SCLT1: variants seen among roughly 807,000 people sequenced by gnomAD.
The protein encoded by SCLT1 is sodium channel and clathrin linker 1.
SCLT1 carries 78 observed loss-of-function variants against 112.8 expected under a neutral mutation model. That is an observed-to-expected ratio of 0.69 (90% CI 0.58 to 0.83). SCLT1 has a LOEUF of 0.83. SCLT1 is among the 40% of genes least tolerant of loss of function. The pLI is 0.00. For synonymous variants in SCLT1, 257 were observed against 254.7 expected, an observed-to-expected ratio of 1.01 and a Z score of -0.09; for missense variants, 747 against 770.4, an observed-to-expected ratio of 0.97 and a Z score of 0.36.
At chr4:128,910,268 G>A (rs532888536) in intron 18 of SCLT1, among the ~76,000 whole-genome samples, 145 of 152,286 alleles carry the variant, frequency 9.5e-4, no homozygotes, top group Non-Finnish European at 1.6e-3. Context: ...TGTAGATGCT[G>A]GATGTTAACC....
At chr4:128,978,346 A>C (rs1741362161) in intron 9 of SCLT1, among the ~76,000 whole-genome samples, 1 of 152,150 alleles carries the variant, frequency 6.6e-6, no homozygotes. Flanking sequence ...TCTATGAAGG[A>C]GAAAAACTGA....
chr4:129,029,794 T>C (rs900102568), intron 5 of SCLT1, among the ~76,000 whole-genome samples: 4 of 152,164 alleles, frequency 2.6e-5, no homozygotes, highest in East Asian at 1.9e-4. Context: ...ACCAAATACA[T>C]GAGCAACCAG....
chr4:128,964,902 G>A (rs555527691), intron 11 of SCLT1, among the ~76,000 whole-genome samples: 3 of 152,212 alleles, frequency 2.0e-5, no homozygotes, highest in African/African-American at 7.2e-5. Context: ...ACAAAAGCAT[G>A]ATATCAAGGG....
chr4:129,062,709 C>A (rs1336235909), intron 2 of SCLT1, among the ~76,000 whole-genome samples: 2 of 152,008 alleles, frequency 1.3e-5, no homozygotes, highest in African/African-American at 4.8e-5. Flanking sequence ...TTTCAATATA[C>A]CATCCCACTG....
intron 2 of SCLT1, among the ~76,000 whole-genome samples, chr4:129,075,347 G>A (rs1387250361): frequency 2.0e-5 from 3 of 152,054 alleles, no homozygotes; most frequent in African/African-American, 7.2e-5. Flanking sequence ...ATCATGAGGA[G>A]GTTAATTTTC....
chr4:128,898,835 AG>A (rs1399396412), intron 18 of SCLT1, among the ~76,000 whole-genome samples: 2 of 152,200 alleles, frequency 1.3e-5, no homozygotes, highest in Non-Finnish European at 2.9e-5. Context: ...AAAATGATAA[AG>A]GGGATATCAC....
chr4:129,043,383 A>G lies in SCLT1; in HGVS notation c.234+12T>C, dbSNP rs1435841367. ...AAAATATTACAAAAGCCTCATAACTATGATTTCATACCTGGTAATATTTCA... is the reference window on the plus strand; with the variant it reads ...AAAATATTACAAAAGCCTCATAACTGTGATTTCATACCTGGTAATATTTCA... On this transcript the variant is annotated intron_variant, in intron 4 of 20. Coordinates refer to ENST00000281142, the MANE Select transcript of SCLT1 (RefSeq NM_144643.4). 2 of 1,327,780 alleles carry G rather than the reference A, an allele frequency of 1.5e-6. No homozygotes were observed. Among genetic ancestry groups the G allele is most frequent in the African/African-American group, 2.9e-5 (2 of 68,040 alleles). 82.2% of individuals were successfully genotyped at this position (1,327,780 alleles called of 1,614,324 possible).
At chr4:129,057,987 G>A (rs1271999305) in intron 2 of SCLT1, among the ~76,000 whole-genome samples, 1 of 152,104 alleles carries the variant, frequency 6.6e-6, no homozygotes, top group Non-Finnish European at 1.5e-5. Flanking sequence ...GGCATCAGGT[G>A]ATCCACCCAC....
At position 128,959,867 on chromosome 4, in the gene SCLT1, T is replaced by C. The variant is rs1201077756; in HGVS notation, c.870-90A>G. 51 of 919,144 alleles carry C rather than the reference T, an allele frequency of 5.5e-5. No individual in the cohort carries two copies. The East Asian group carries it at 1.2e-3, about 21-fold the overall frequency. 56.9% of individuals were successfully genotyped at this position (919,144 alleles called of 1,614,324 possible). A position where few individuals can be genotyped will look rare whatever the true frequency, so the allele number is the denominator to read the frequency against. ...AGCATCTACTACAGGACAGGTATTA[T>C]GCCAGTAACTTTCACATGTATTAAT... On this transcript the variant is annotated intron_variant, in intron 11 of 20. Coordinates refer to ENST00000281142, the MANE Select transcript of SCLT1 (RefSeq NM_144643.4).
chr4:129,080,290 A>C (rs1234644432), intron 2 of SCLT1, among the ~76,000 whole-genome samples: 1 of 152,200 alleles, frequency 6.6e-6, no homozygotes, highest in Non-Finnish European at 1.5e-5. Flanking sequence ...TTTCCAAACT[A>C]TTATGCTCTA....
At chr4:129,079,723 C>T (rs538720039) in intron 2 of SCLT1, among the ~76,000 whole-genome samples, 1 of 152,390 alleles carries the variant, frequency 6.6e-6, no homozygotes, top group East Asian at 1.9e-4. Flanking sequence ...CCCCACTAGG[C>T]AGTGTCCAGT....
At chr4:129,003,652 ATT>A in intron 6 of SCLT1, 87 bp downstream of exon 6, 1 of 1,033,896 alleles carries the variant, frequency 9.7e-7, no homozygotes, top group Non-Finnish European at 1.4e-6. Context: ...CAATTTTATT[ATT>A]TTGTTATCCA....
chr4:129,071,429 T>C (rs1750993805), intron 2 of SCLT1, among the ~76,000 whole-genome samples: 1 of 152,296 alleles, frequency 6.6e-6, no homozygotes, highest in South Asian at 2.1e-4. Context: ...GTTAGGTCTA[T>C]TGGTAATTGT....
chr4:129,039,896 GCGCGCACACACA>G, intron 4 of SCLT1: 2 of 206,664 alleles, frequency 9.7e-6, no homozygotes, highest in Non-Finnish European at 1.7e-5. Flanking sequence ...GAGTGTGCGC[GCGCGCACACACA>G]CACACACACA....
chr4:128,969,091 C>T (rs1249129180), intron 10 of SCLT1, among the ~76,000 whole-genome samples: 1 of 152,168 alleles, frequency 6.6e-6, no homozygotes, highest in Non-Finnish European at 1.5e-5. Context: ...TTCCATACAT[C>T]TCTATCTTTC....
chr4:129,061,756 C>T (rs1363206300), intron 2 of SCLT1, among the ~76,000 whole-genome samples: 1 of 152,094 alleles, frequency 6.6e-6, no homozygotes, highest in Admixed American at 6.5e-5. Flanking sequence ...TCTTGAGATG[C>T]TGAACCACTG....
chr4:129,032,437 T>G (rs1379959575), intron 5 of SCLT1, among the ~76,000 whole-genome samples: 2 of 152,026 alleles, frequency 1.3e-5, no homozygotes, highest in Non-Finnish European at 2.9e-5. Flanking sequence ...GGGCAAAGAC[T>G]TCATGACCAA....
chr4:128,994,066 G>T (rs559805582), intron 8 of SCLT1, among the ~76,000 whole-genome samples: 17 of 152,168 alleles, frequency 1.1e-4, no homozygotes, highest in African/African-American at 3.9e-4. Context: ...TTTAAAACAT[G>T]TTTAAGTGTA....
chr4:129,000,966 C>T (rs1743430965), intron 6 of SCLT1, among the ~76,000 whole-genome samples: 1 of 151,220 alleles, frequency 6.6e-6, no homozygotes, highest in African/African-American at 2.4e-5. Context: ...AAAACAAAAA[C>T]TGTAGGCTAA....
Sources: gnomAD v4.1 joint callset for allele counts (sites outside exome capture counted in the v4.1 genomes callset) on GRCh38, gnomAD v4.1.1 for gene constraint, MANE v1.5 for transcripts, NCBI Gene and HGNC (gene_info 2026-07-23, HGNC 2026-07-21) for gene names.